The following MYO9A variants were observed in gnomAD, a reference collection of about 807,000 sequenced individuals.
MYO9A encodes unconventional myosin-IXa.
In MYO9A, 103 loss-of-function variants were observed where a neutral mutation model predicts 293.3. The observed-to-expected ratio is 0.35, with a 90% CI of 0.30 to 0.41. MYO9A has a LOEUF of 0.41. MYO9A is among the 10% of genes least tolerant of loss of function. MYO9A has a pLI of 1.00. For synonymous variants in MYO9A, 1,001 were observed against 1,035.7 expected (o/e 0.97, Z 0.64); for missense variants, 2,685 against 3,033.0 (o/e 0.89, Z 2.69).
chr15:72,104,543 G>A (rs549471287), intron 1 of MYO9A, among the ~76,000 whole-genome samples: 2 of 152,270 alleles, frequency 1.3e-5, no homozygotes, highest in East Asian at 3.9e-4. Flanking sequence ...CTACACATCA[G>A]GAAGTTGGTC....
intron 11 of MYO9A, among the ~76,000 whole-genome samples, chr15:71,986,728 G>A (rs2076416160): frequency 6.6e-6 from 1 of 152,142 alleles, no homozygotes; most frequent in Non-Finnish European, 1.5e-5. Context: ...TTGTACAGCT[G>A]TACAATGTGT....
chr15:72,042,664 G>T (rs554625100), intron 2 of MYO9A, among the ~76,000 whole-genome samples: 10 of 144,618 alleles, frequency 6.9e-5, no homozygotes, highest in Non-Finnish European at 1.4e-4. Context: ...GTGAAATCAA[G>T]CAAGAAAAAA....
At chr15:71,959,102 G>A in intron 14 of MYO9A, 1 of 152,134 alleles carries the variant, frequency 6.6e-6, no homozygotes. Flanking sequence ...AAATCACTTT[G>A]TAAAAGGCAA....
chr15:71,859,676 A>G (rs943235667), intron 34 of MYO9A, 59 bp downstream of exon 34: 2 of 1,397,892 alleles, frequency 1.4e-6, no homozygotes, highest in Admixed American at 1.8e-5. Flanking sequence ...ATTTATTTCC[A>G]TAAGGCACAA....
intron 26 of MYO9A, chr15:71,890,628 G>A (rs1386817050): frequency 6.6e-6 from 1 of 152,138 alleles, no homozygotes; most frequent in Non-Finnish European, 1.5e-5. Flanking sequence ...AAACGGCAGC[G>A]TTTGAAGTAA....
At chr15:71,849,939 A>ATTTATGAACACATTCACTAT in intron 38 of MYO9A, 97 bp downstream of exon 38, 4 of 1,378,818 alleles carry the variant, frequency 2.9e-6, no homozygotes, top group South Asian at 2.7e-5. Flanking sequence ...AAACACCTGA[A>ATTTATGAACACATTCACTAT]TTTATGAACC....
chr15:72,013,109 A>C (rs908146619), intron 6 of MYO9A, among the ~76,000 whole-genome samples: 1 of 152,230 alleles, frequency 6.6e-6, no homozygotes, highest in Non-Finnish European at 1.5e-5. Context: ...ACAGACCAAG[A>C]GTCAAATACA....
At chr15:72,022,054 C>A (rs1244315039) in intron 4 of MYO9A, among the ~76,000 whole-genome samples, 1 of 152,104 alleles carries the variant, frequency 6.6e-6, no homozygotes, top group African/African-American at 2.4e-5. Context: ...TACCTGACAT[C>A]TAAGTTAAAT....
At chr15:71,980,490 A>G (rs968593116) in intron 11 of MYO9A, among the ~76,000 whole-genome samples, 3 of 152,050 alleles carry the variant, frequency 2.0e-5, no homozygotes, top group Admixed American at 6.5e-5. Flanking sequence ...ACATTTTCCT[A>G]TGTTTACTGC....
rs1258629452 is a variant in MYO9A, at chr15:71,925,356, T to TAC, written c.2562+8313_2562+8314insGT. The stretch of plus-strand genomic sequence containing the variant: ...ACGTATATGTACATATATACTTACA[T>TAC]GTATATATACATATATACGTATATA... On this transcript the variant is annotated intron_variant, in intron 18 of 41. Coordinates refer to ENST00000356056, the MANE Select transcript of MYO9A (RefSeq NM_006901.4). Among the ~76,000 whole-genome samples the TAC allele has an allele frequency of 6.7e-5, 10 of 150,242 alleles. No individual in the cohort carries two copies. In the East Asian group the frequency reaches 1.4e-3, roughly 21 times the overall value.
At chr15:71,827,535 AAAAAC>A (rs1389727843) in intron 41 of MYO9A, among the ~76,000 whole-genome samples, 4 of 151,826 alleles carry the variant, frequency 2.6e-5, no homozygotes, top group Middle Eastern at 3.4e-3. Context: ...AAACAAAACA[AAAAAC>A]AAAAAACTCA....
chr15:71,870,936 A>C (rs2056491257), intron 32 of MYO9A, among the ~76,000 whole-genome samples: 1 of 152,240 alleles, frequency 6.6e-6, no homozygotes, highest in South Asian at 2.1e-4. Flanking sequence ...GTGAAAAAGA[A>C]ATATATCATT....
intron 18 of MYO9A, among the ~76,000 whole-genome samples, chr15:71,928,284 A>C (rs1022409330): frequency 2.7e-5 from 4 of 149,426 alleles, no homozygotes; most frequent in Admixed American, 6.7e-5. Flanking sequence ...TCACCTTGTT[A>C]GCCAGGATAG....
At chr15:72,113,393 G>T (rs575685719) in intron 1 of MYO9A, among the ~76,000 whole-genome samples, 1 of 152,142 alleles carries the variant, frequency 6.6e-6, no homozygotes, top group African/African-American at 2.4e-5. Flanking sequence ...TGTAAAAGAC[G>T]AGAGAGAAAG....
chr15:71,956,330 A>AATATATATATATATATATATAT (rs1555490832), intron 14 of MYO9A, among the ~76,000 whole-genome samples: 5 of 75,568 alleles, frequency 6.6e-5, no homozygotes, highest in African/African-American at 3.0e-4. Flanking sequence ...AAAAAAAAAA[A>AATATATATATATATATATATAT]ATATATATAT....
chr15:71,993,410 CAG>C (rs1443356149), intron 10 of MYO9A, among the ~76,000 whole-genome samples: 4 of 151,692 alleles, frequency 2.6e-5, no homozygotes, highest in Non-Finnish European at 4.4e-5. Context: ...AAAGACAAAA[CAG>C]AAGACAAAAA....
intron 16 of MYO9A, among the ~76,000 whole-genome samples, chr15:71,936,771 C>A (rs1171995527): frequency 1.3e-5 from 2 of 151,780 alleles, no homozygotes; most frequent in African/African-American, 4.8e-5. Flanking sequence ...TTTAGAAACG[C>A]TTGTATTTTC....
At chr15:71,853,616 A>G (rs2055746637) in intron 35 of MYO9A, among the ~76,000 whole-genome samples, 1 of 152,214 alleles carries the variant, frequency 6.6e-6, no homozygotes, top group African/African-American at 2.4e-5. Flanking sequence ...GTTCTTGCCC[A>G]CACAAGGACA....
intron 40 of MYO9A, 138 bp from the exon 41 acceptor site, chr15:71,828,164 T>C: frequency 3.2e-6 from 3 of 951,834 alleles, no homozygotes; most frequent in Non-Finnish European, 1.5e-6. Flanking sequence ...CAGGTGGTGA[T>C]GAGGACCTGT....
Sources: gnomAD v4.1 joint callset for allele counts (sites outside exome capture counted in the v4.1 genomes callset) on GRCh38, gnomAD v4.1.1 for gene constraint, MANE v1.5 for transcripts, NCBI Gene and HGNC (gene_info 2026-07-23, HGNC 2026-07-21) for gene names.